PKNOX2: variants seen among roughly 807,000 people sequenced by gnomAD.
PKNOX2 encodes homeobox protein PKNOX2.
A neutral mutation model predicts 53.1 loss-of-function variants in PKNOX2; 14 were observed. The ratio of observed to expected loss-of-function variants is 0.26; its 90% CI spans 0.17 to 0.41. The LOEUF (loss-of-function observed/expected upper bound fraction) is 0.41. Ranked by LOEUF, PKNOX2 falls within the 10% of genes least tolerant of loss-of-function variation. The pLI, the probability that PKNOX2 is intolerant of heterozygous loss-of-function variation, is 1.00. For missense variants in PKNOX2, 496 were observed against 602.8 expected, an observed-to-expected ratio of 0.82 and a Z score of 1.85; for synonymous variants, 257 against 242.8, an observed-to-expected ratio of 1.06 and a Z score of -0.54.
chr11:125,191,926 C>T (rs1956901045), intron 1 of PKNOX2, among the ~76,000 whole-genome samples: 1 of 152,242 alleles, frequency 6.6e-6, no homozygotes, highest in South Asian at 2.1e-4. Context: ...CTTTCTACTG[C>T]TCCAGTGTGG....
chr11:125,431,327 G>T lies in PKNOX2; in HGVS notation c.1354G>T (p.Val452Phe). The T allele has an allele frequency of 6.2e-7, 1 of 1,613,822 alleles. No individual in the cohort carries two copies. The highest frequency in any genetic ancestry group is 8.5e-7 in the Non-Finnish European group (1 of 1,179,990). Residue 452 changes from valine to phenylalanine, a missense_variant, in exon 13 of 13, where the codon GTC becomes TTC. Physicochemically the swap from Val to Phe is conservative, Grantham distance 50. Coordinates refer to ENST00000298282, the MANE Select transcript of PKNOX2 (RefSeq NM_001382323.2). ...EEEEEELEEE[V>F]DELQTTNVSD... Reference sequence around the variant, plus strand: ...GGAGGAGGAGGAGCTGGAGGAGGAGGTCGACGAGCTGCAGACGACAAATGT... The same window carrying T: ...GGAGGAGGAGGAGCTGGAGGAGGAGTTCGACGAGCTGCAGACGACAAATGT...
At chr11:125,322,245 T>C (rs1483417015) in intron 2 of PKNOX2, among the ~76,000 whole-genome samples, 1 of 152,036 alleles carries the variant, frequency 6.6e-6, no homozygotes, top group Non-Finnish European at 1.5e-5. Flanking sequence ...AGCATAGGAA[T>C]GGGTGATCTG....
chr11:125,384,606 C>G (rs947216823), intron 5 of PKNOX2, among the ~76,000 whole-genome samples: 1 of 152,150 alleles, frequency 6.6e-6, no homozygotes, highest in Non-Finnish European at 1.5e-5. Context: ...ATGGCGTGAA[C>G]CCAGGGAGGG....
chr11:125,177,267 A>C (rs1289512689), intron 1 of PKNOX2, among the ~76,000 whole-genome samples: 1 of 150,914 alleles, frequency 6.6e-6, no homozygotes, highest in Non-Finnish European at 1.5e-5. Context: ...AATATTTTGC[A>C]GTCTTGTAAT....
intron 1 of PKNOX2, among the ~76,000 whole-genome samples, chr11:125,193,339 A>G (rs1956991316): frequency 1.3e-5 from 2 of 152,194 alleles, no homozygotes; most frequent in Admixed American, 1.3e-4. Flanking sequence ...AATGCTGCAG[A>G]GGCCCTTTCT....
intron 2 of PKNOX2, among the ~76,000 whole-genome samples, chr11:125,287,122 T>C (rs1457880296): frequency 1.3e-5 from 2 of 152,176 alleles, no homozygotes; most frequent in Admixed American, 6.5e-5. Context: ...TTAATCCTCA[T>C]TGGGTACATA....
At chr11:125,288,963 T>C (rs1228465451) in intron 2 of PKNOX2, among the ~76,000 whole-genome samples, 1 of 152,182 alleles carries the variant, frequency 6.6e-6, no homozygotes, top group Non-Finnish European at 1.5e-5. Flanking sequence ...ATGGTAAAAT[T>C]ACCTTCTTCT....
chr11:125,222,124 C>T (rs888374004), intron 1 of PKNOX2, among the ~76,000 whole-genome samples: 4 of 152,190 alleles, frequency 2.6e-5, no homozygotes, highest in Admixed American at 6.5e-5. Context: ...GCCAGAAGCA[C>T]GTCAGACACT....
intron 10 of PKNOX2, among the ~76,000 whole-genome samples, chr11:125,424,662 A>C (rs536290459): frequency 6.6e-6 from 1 of 152,332 alleles, no homozygotes; most frequent in South Asian, 2.1e-4. Context: ...CCAGCACCTC[A>C]GTGTCTATTG....
intron 1 of PKNOX2, among the ~76,000 whole-genome samples, chr11:125,174,837 C>T (rs1955586844): frequency 6.6e-6 from 1 of 152,044 alleles, no homozygotes; most frequent in African/African-American, 2.4e-5. Flanking sequence ...GGAAGGAGCT[C>T]CTCTCCCGGC....
intron 5 of PKNOX2, among the ~76,000 whole-genome samples, chr11:125,381,638 T>C (rs1486084945): frequency 6.6e-6 from 1 of 152,046 alleles, no homozygotes; most frequent in African/African-American, 2.4e-5. Context: ...CTGCTGTATG[T>C]GACAATGCCT....
intron 5 of PKNOX2, among the ~76,000 whole-genome samples, chr11:125,381,708 T>C (rs890169659): frequency 2.6e-5 from 4 of 152,150 alleles, no homozygotes; most frequent in African/African-American, 9.7e-5. Context: ...TGACTCCTGC[T>C]GCCTTTTCAA....
At position 125,429,014 on chromosome 11, in the gene PKNOX2, C is replaced by T; in HGVS notation, c.939C>T (p.His313=). 2 of 1,613,288 alleles carry T rather than the reference C, an allele frequency of 1.2e-6. No homozygotes were observed. The highest frequency in any genetic ancestry group is 1.7e-6 in the Non-Finnish European group (2 of 1,179,196). The change falls in exon 11 of 13, where the codon CAC becomes CAT. Residue 313 remains histidine (H), a splice_region_variant and synonymous_variant. Coordinates refer to ENST00000298282, the MANE Select transcript of PKNOX2 (RefSeq NM_001382323.2). The part of the protein sequence containing the change: ...MRSWLFQHLM[H]PYPTEDEKRQ... ...CTAGTCTCCACCTCTCGTTTCAGCA[C>T]CCCTACCCCACGGAGGATGAGAAGA... is the stretch of plus-strand genomic sequence containing the variant.
At chr11:125,248,139 T>C (rs1943701919) in intron 2 of PKNOX2, among the ~76,000 whole-genome samples, 1 of 152,204 alleles carries the variant, frequency 6.6e-6, no homozygotes, top group South Asian at 2.1e-4. Flanking sequence ...GCAATAGATG[T>C]TTCCCAAATG....
intron 1 of PKNOX2, among the ~76,000 whole-genome samples, chr11:125,208,493 G>C (rs567156326): frequency 6.6e-6 from 1 of 152,258 alleles, no homozygotes; most frequent in African/African-American, 2.4e-5. Flanking sequence ...AGGCAGATCA[G>C]AGCAGACAGG....
chr11:125,238,274 G>A (rs1565476528), intron 2 of PKNOX2, among the ~76,000 whole-genome samples: 1 of 152,224 alleles, frequency 6.6e-6, no homozygotes, highest in Non-Finnish European at 1.5e-5. Context: ...AGGGGCGAGA[G>A]GGGTGAGTGG....
intron 5 of PKNOX2, among the ~76,000 whole-genome samples, chr11:125,369,492 G>C (rs1225132489): frequency 6.6e-6 from 1 of 152,220 alleles, no homozygotes; most frequent in Non-Finnish European, 1.5e-5. Context: ...GGCTGTGCTA[G>C]ACTCCAGCAG....
rs539169028 is a variant in PKNOX2, at chr11:125,422,423, C to T, written c.937-6589C>T. Among the ~76,000 whole-genome samples, 6 of 152,248 alleles carry T rather than the reference C, an allele frequency of 3.9e-5. No homozygotes were observed. Among genetic ancestry groups the T allele is most frequent in the South Asian group, 4.1e-4 (2 of 4,820 alleles). On this transcript the variant is annotated intron_variant, in intron 10 of 12. Transcript: ENST00000298282. This position sits in a 1 kb window ranked among gnomAD's most constrained non-coding sequence, Gnocchi z 4.1. Reference sequence around the variant, plus strand: ...GAGAGTGTTTTCTCCACCCATCCTTCGCTGTAGGGATCTAGAGAGAAGCTG... The same window carrying T: ...GAGAGTGTTTTCTCCACCCATCCTTTGCTGTAGGGATCTAGAGAGAAGCTG...
chr11:125,358,402 A>G (rs1951739732), intron 4 of PKNOX2, among the ~76,000 whole-genome samples: 1 of 152,206 alleles, frequency 6.6e-6, no homozygotes, highest in African/African-American at 2.4e-5. Context: ...AGTTCCCGGG[A>G]AAATGCACAA....
Sources: gnomAD v4.1 joint callset for allele counts (sites outside exome capture counted in the v4.1 genomes callset) on GRCh38, gnomAD v4.1.1 for gene constraint, Gnocchi (gnomAD v3.1) non-coding constraint, MANE v1.5 for transcripts, NCBI Gene and HGNC (gene_info 2026-07-23, HGNC 2026-07-21) for gene names.